Variants in TENM2 observed in about 807,000 individuals in gnomAD.
The protein encoded by TENM2 is teneurin-2.
A neutral mutation model predicts 245.2 loss-of-function variants in TENM2; 52 were observed. The ratio of observed to expected loss-of-function variants is 0.21; its 90% CI spans 0.17 to 0.27. TENM2 has a LOEUF of 0.27. Ranked by LOEUF, TENM2 falls within the 10% of genes least tolerant of loss-of-function variation. The pLI is 1.00. For synonymous variants in TENM2, 1,363 were observed against 1,438.9 expected, an observed-to-expected ratio of 0.95 and a Z score of 1.19; for missense variants, 3,046 against 3,666.8, an observed-to-expected ratio of 0.83 and a Z score of 4.37.
chr5:168,248,236 C>G (rs769381873), exon 27 of TENM2: 1 of 1,613,906 alleles, frequency 6.2e-7, no homozygotes. Context: ...TTATGATGTG[C>G]TGGCAGGACG....
At chr5:167,245,019 A>G in the TENM2 span, among the ~76,000 whole-genome samples, 2 of 151,890 alleles carry the variant, frequency 1.3e-5, no homozygotes, top group Non-Finnish European at 2.9e-5. Flanking sequence ...GGTTCCAATT[A>G]TAATCCTCAT....
At chr5:167,851,251 C>G (rs1167274800) in intron 2 of TENM2, among the ~76,000 whole-genome samples, 1 of 152,120 alleles carries the variant, frequency 6.6e-6, no homozygotes, top group East Asian at 1.9e-4. Flanking sequence ...AGTTTGTCCT[C>G]TGACTCATGA....
At chr5:167,218,066 C>A in the TENM2 span, among the ~76,000 whole-genome samples, 1 of 151,972 alleles carries the variant, frequency 6.6e-6, no homozygotes, top group Non-Finnish European at 1.5e-5. Context: ...AGATGTAATG[C>A]CAACTGTTAA....
chr5:167,166,711 A>C, the TENM2 span, among the ~76,000 whole-genome samples: 2 of 152,126 alleles, frequency 1.3e-5, no homozygotes, highest in Non-Finnish European at 2.9e-5. Context: ...AAGTCATTTA[A>C]TATCTGGCAT....
At chr5:167,363,161 A>T (rs1304280270) in intron 1 of TENM2, among the ~76,000 whole-genome samples, 1 of 152,242 alleles carries the variant, frequency 6.6e-6, no homozygotes, top group Non-Finnish European at 1.5e-5. Context: ...AAATCTGAGC[A>T]TTGAATTGTT....
intron 2 of TENM2, 152 bp from the exon 5 acceptor site, chr5:167,875,834 A>G: frequency 1.6e-6 from 1 of 619,232 alleles, no homozygotes; most frequent in Non-Finnish European, 2.8e-6. Context: ...GAGAAACATC[A>G]AACCACTCTT....
At position 167,819,058 on chromosome 5, in the gene TENM2, C is replaced by CTGTG. The variant is rs145489126; in HGVS notation, c.503-56905_503-56902dup. ...GGTTGTATCATTGTGTGGTGTGTGA[C>CTGTG]TGTGTGTGTGTGTGTGTGTGTGTGT... On this transcript the variant is annotated intron_variant, in intron 2 of 28. Transcript: ENST00000518659. Among the ~76,000 whole-genome samples the CTGTG allele has an allele frequency of 8.8e-3, 1,300 of 147,648 alleles. 22 individuals carry two copies. Among genetic ancestry groups the CTGTG allele is most frequent in the African/African-American group, 0.028 (1,150 of 40,562 alleles).
At chr5:167,216,459 A>C in the TENM2 span, among the ~76,000 whole-genome samples, 1 of 152,154 alleles carries the variant, frequency 6.6e-6, no homozygotes, top group Non-Finnish European at 1.5e-5. Flanking sequence ...TCTGCAGTGC[A>C]ACATCCTTGA....
At chr5:167,275,555 C>A in the TENM2 span, among the ~76,000 whole-genome samples, 1 of 152,024 alleles carries the variant, frequency 6.6e-6, no homozygotes, top group Non-Finnish European at 1.5e-5. Flanking sequence ...GGGTAGTTTG[C>A]ACCACATAAT....
intron 2 of TENM2, among the ~76,000 whole-genome samples, chr5:167,598,802 A>C (rs1561587444): frequency 3.3e-5 from 5 of 152,044 alleles, no homozygotes; most frequent in Admixed American, 1.3e-4. Context: ...GTTGGCAGTT[A>C]TCAAAGTAAA....
At chr5:167,851,374 A>G (rs1477618411) in intron 2 of TENM2, among the ~76,000 whole-genome samples, 1 of 152,190 alleles carries the variant, frequency 6.6e-6, no homozygotes, top group Non-Finnish European at 1.5e-5. Flanking sequence ...ATTTTAGTGT[A>G]TATTTATATA....
At chr5:167,906,849 G>GTGGGGAGGAGCAGATATTT (rs1191725602) in intron 3 of TENM2, among the ~76,000 whole-genome samples, 1 of 152,172 alleles carries the variant, frequency 6.6e-6, no homozygotes, top group Non-Finnish European at 1.5e-5. Flanking sequence ...AGAGGAGGGA[G>GTGGGGAGGAGCAGATATTT]TGGGGAGGAG....
chr5:167,299,191 T>G (rs1755155070), intron 1 of TENM2, among the ~76,000 whole-genome samples: 1 of 152,172 alleles, frequency 6.6e-6, no homozygotes, highest in Non-Finnish European at 1.5e-5. Context: ...ATATAAAGGT[T>G]TCACCGAATA....
intron 10 of TENM2, among the ~76,000 whole-genome samples, chr5:168,120,737 CAG>C (rs1190876977): frequency 6.6e-6 from 1 of 152,220 alleles, no homozygotes; most frequent in Non-Finnish European, 1.5e-5. Context: ...GAAATGGAAT[CAG>C]AAAGTCTGGA....
intron 2 of TENM2, among the ~76,000 whole-genome samples, chr5:167,673,293 A>C (rs1756084103): frequency 6.6e-6 from 1 of 152,048 alleles, no homozygotes; most frequent in Admixed American, 6.6e-5. Context: ...ATACTGTTTC[A>C]ATAATCATAA....
intron 1 of TENM2, among the ~76,000 whole-genome samples, chr5:167,340,775 A>T (rs6899141): frequency 0.028 from 4,294 of 152,344 alleles, 57 homozygotes; most frequent in East Asian, 0.055. Flanking sequence ...TGGTGCTATA[A>T]TAGCATAAAT....
chr5:167,019,196 G>T, the TENM2 span, among the ~76,000 whole-genome samples: 1 of 151,978 alleles, frequency 6.6e-6, no homozygotes, highest in African/African-American at 2.4e-5. Flanking sequence ...CTTGCAGTTG[G>T]GGGGAGGCTT....
At chr5:167,247,338 T>C in the TENM2 span, among the ~76,000 whole-genome samples, 147 of 152,306 alleles carry the variant, frequency 9.7e-4, 7 homozygotes, top group Admixed American at 9.6e-3. Flanking sequence ...CTGATTCTTC[T>C]GAAAGTGACA....
intron 2 of TENM2, among the ~76,000 whole-genome samples, chr5:167,801,137 T>C (rs1161589675): frequency 9.5e-6 from 1 of 105,212 alleles, no homozygotes; most frequent in Non-Finnish European, 1.9e-5. Flanking sequence ...TATATATATA[T>C]ATATATATAT....
Sources: gnomAD v4.1 joint callset for allele counts (sites outside exome capture counted in the v4.1 genomes callset) on GRCh38, gnomAD v4.1.1 for gene constraint, MANE v1.5 for transcripts, NCBI Gene and HGNC (gene_info 2026-07-23, HGNC 2026-07-21) for gene names.